XXYLT1: variants seen among roughly 807,000 people sequenced by gnomAD.
The protein encoded by XXYLT1 is xyloside xylosyltransferase 1.
Under a neutral mutation model 28.9 loss-of-function variants are expected in XXYLT1, and 20 were observed. The observed-to-expected ratio is 0.69, with a 90% CI of 0.49 to 1.00. The LOEUF (loss-of-function observed/expected upper bound fraction) is 1.00. Among genes scored for constraint, XXYLT1 ranks in the 50% least tolerant of loss-of-function variants. The pLI, the probability that XXYLT1 is intolerant of heterozygous loss-of-function variation, is 0.00. For synonymous variants in XXYLT1, 257 were observed against 253.8 expected (o/e 1.01, Z -0.12); for missense variants, 542 against 560.1 (o/e 0.97, Z 0.33).
At chr3:195,187,342 C>G (rs1056287017) in intron 2 of XXYLT1, among the ~76,000 whole-genome samples, 1 of 152,122 alleles carries the variant, frequency 6.6e-6, no homozygotes, top group Non-Finnish European at 1.5e-5. Flanking sequence ...GGATTAAAGG[C>G]GTGAGCCACC....
chr3:195,136,749 C>T (rs182705888), intron 3 of XXYLT1, among the ~76,000 whole-genome samples: 293 of 152,164 alleles, frequency 1.9e-3, no homozygotes, highest in South Asian at 5.2e-3. Context: ...GCTCACAGGA[C>T]GCAGGGAGCT....
At chr3:195,101,229 G>C (rs754416383) in intron 3 of XXYLT1, among the ~76,000 whole-genome samples, 3 of 152,284 alleles carry the variant, frequency 2.0e-5, no homozygotes, top group Non-Finnish European at 2.9e-5. Flanking sequence ...GGTACCCCCA[G>C]CTTGAATGTT....
At chr3:195,238,858 G>A (rs1216676747) in intron 1 of XXYLT1, among the ~76,000 whole-genome samples, 1 of 152,222 alleles carries the variant, frequency 6.6e-6, no homozygotes, top group Admixed American at 6.5e-5. Flanking sequence ...CTCGCAGAAG[G>A]GAAGGCCTCT....
intron 2 of XXYLT1, among the ~76,000 whole-genome samples, chr3:195,222,536 G>A (rs2108796805): frequency 6.6e-6 from 1 of 152,258 alleles, no homozygotes; most frequent in Non-Finnish European, 1.5e-5. Flanking sequence ...CTACCCTTGG[G>A]AGCTATCATA....
chr3:195,207,482 T>C (rs1195752416), intron 2 of XXYLT1: 1 of 456,636 alleles, frequency 2.2e-6, no homozygotes, highest in Non-Finnish European at 4.4e-6. Context: ...TTCTACCTTG[T>C]ACAAGAGGTG....
intron 1 of XXYLT1, among the ~76,000 whole-genome samples, chr3:195,239,983 C>T (rs1031499511): frequency 6.6e-6 from 1 of 152,166 alleles, no homozygotes; most frequent in Non-Finnish European, 1.5e-5. Flanking sequence ...TCAGGAATAT[C>T]CCACCCCAGG....
rs550625783 is a variant in XXYLT1 at position 195,258,374 on chromosome 3, T to C, written c.504+12181A>G. On this transcript the variant is annotated intron_variant, in intron 1 of 3. Coordinates refer to ENST00000310380, the MANE Select transcript of XXYLT1 (RefSeq NM_152531.5). Reference sequence around the variant, plus strand: ...CTTACACTTGGCTGATGCCCAAAAATGACTATAAACAGTTACTGTGTGCAA... The same window carrying C: ...CTTACACTTGGCTGATGCCCAAAAACGACTATAAACAGTTACTGTGTGCAA... Among the ~76,000 whole-genome samples, 10 of 152,264 alleles carry C rather than the reference T, an allele frequency of 6.6e-5. No homozygotes were observed. The South Asian group carries it at 2.1e-3, about 32-fold the overall frequency.
Position 195,270,838 on chromosome 3 carries a change from G to C in XXYLT1, c.221C>G (p.Ala74Gly). ...GGGGGCTGGCGCCACGGAGCCCCGC[G>C]CTAGCTCCAGCGCGGGCGGCGAGGG... ...AAPSPPALEL[A>G]RGSVAPAPGA... Residue 74 changes from alanine (A) to glycine (G), a missense_variant, in exon 1 of 4, where the codon GCG becomes GGG. By Grantham distance (60) the Ala-to-Gly change is moderately conservative (BLOSUM62 0). Coordinates refer to ENST00000310380, the MANE Select transcript of XXYLT1 (RefSeq NM_152531.5). The C allele has an allele frequency of 6.9e-7, 1 of 1,451,210 alleles. No individual in the cohort carries two copies. The highest frequency in any genetic ancestry group is 9.1e-7 in the Non-Finnish European group (1 of 1,103,396). 89.9% of individuals were successfully genotyped at this position (1,451,210 alleles called of 1,614,324 possible).
intron 3 of XXYLT1, among the ~76,000 whole-genome samples, chr3:195,105,293 A>G (rs1020017937): frequency 6.6e-6 from 1 of 152,268 alleles, no homozygotes; most frequent in African/African-American, 2.4e-5. Flanking sequence ...ATATAAGCAT[A>G]TGTTTTAACA....
intron 3 of XXYLT1, among the ~76,000 whole-genome samples, chr3:195,096,761 T>C (rs535627778): frequency 6.6e-6 from 1 of 152,336 alleles, no homozygotes; most frequent in South Asian, 2.1e-4. Context: ...GAGACAAGCT[T>C]TGTAAAGCTT....
At chr3:195,135,452 G>A (rs1049160871) in intron 3 of XXYLT1, among the ~76,000 whole-genome samples, 14 of 152,196 alleles carry the variant, frequency 9.2e-5, no homozygotes, top group Non-Finnish European at 1.9e-4. Context: ...TCAGTGAAGA[G>A]AAAGGGGTGT....
intron 2 of XXYLT1, among the ~76,000 whole-genome samples, chr3:195,204,216 G>T (rs1381184875): frequency 6.6e-6 from 1 of 151,888 alleles, no homozygotes; most frequent in South Asian, 2.1e-4. Flanking sequence ...GGTGGCAGAC[G>T]CCTGTAGTCC....
intron 1 of XXYLT1, among the ~76,000 whole-genome samples, chr3:195,235,052 C>T (rs1724475777): frequency 1.3e-5 from 2 of 151,648 alleles, no homozygotes; most frequent in South Asian, 4.2e-4. Flanking sequence ...TTCTTTTTTA[C>T]TCTTTCTTTT....
intron 3 of XXYLT1, chr3:195,086,112 C>G (rs577839107): frequency 6.5e-6 from 1 of 152,686 alleles, no homozygotes; most frequent in East Asian, 1.9e-4. Flanking sequence ...CCCCCAAACA[C>G]CCAGCTTGCC....
chr3:195,261,693 T>G (rs1019675601), intron 1 of XXYLT1, among the ~76,000 whole-genome samples: 6 of 152,138 alleles, frequency 3.9e-5, no homozygotes, highest in African/African-American at 1.2e-4. Context: ...GGGGTTTTTT[T>G]AAGAAAATGC....
intron 3 of XXYLT1, among the ~76,000 whole-genome samples, chr3:195,090,945 T>G (rs552990480): frequency 6.6e-6 from 1 of 151,922 alleles, no homozygotes; most frequent in South Asian, 2.1e-4. Context: ...GATAAATTCC[T>G]CGACGTATAC....
At chr3:195,163,248 T>C (rs963077339) in intron 2 of XXYLT1, among the ~76,000 whole-genome samples, 1 of 152,254 alleles carries the variant, frequency 6.6e-6, no homozygotes, top group East Asian at 1.9e-4. Context: ...AAATTCTCCA[T>C]TTTGAGATTC....
At chr3:195,145,747 C>T (rs915494917) in intron 3 of XXYLT1, among the ~76,000 whole-genome samples, 5 of 152,248 alleles carry the variant, frequency 3.3e-5, no homozygotes, top group African/African-American at 1.2e-4. Context: ...GCAAGGACAC[C>T]GCAGACATCC....
At chr3:195,254,426 G>A (rs1239699619) in intron 1 of XXYLT1, among the ~76,000 whole-genome samples, 1 of 152,232 alleles carries the variant, frequency 6.6e-6, no homozygotes, top group African/African-American at 2.4e-5. Flanking sequence ...GGGGCCACAT[G>A]GCATCACACA....
Sources: allele counts gnomAD v4.1 joint callset (sites outside exome capture counted in the v4.1 genomes callset), GRCh38; gene constraint gnomAD v4.1.1; transcripts MANE v1.5; gene names NCBI Gene and HGNC (gene_info 2026-07-23, HGNC 2026-07-21).